The following PIK3C2B variants were observed in gnomAD, a reference collection of about 807,000 sequenced individuals.
PIK3C2B encodes phosphatidylinositol-4-phosphate 3-kinase catalytic subunit type 2 beta.
In PIK3C2B, 83 loss-of-function variants were observed where a neutral mutation model predicts 184.3. The observed-to-expected ratio is 0.45, with a 90% CI of 0.38 to 0.54. The LOEUF is 0.54. PIK3C2B is among the 20% of genes least tolerant of loss of function. The pLI is 0.00. For missense variants in PIK3C2B, 1,736 were observed against 2,113.5 expected (o/e 0.82, Z 3.50); for synonymous variants, 779 against 837.6 (o/e 0.93, Z 1.21).
At chr1:204,465,365 T>C in intron 2 of PIK3C2B, 46 bp from the exon 3 acceptor site, 1 of 1,218,042 alleles carries the variant, frequency 8.2e-7, no homozygotes, top group African/African-American at 1.5e-5. Context: ...CCTCGTGGTG[T>C]CCCCTCCCTA....
chr1:204,453,113 C>T (rs1020981374), intron 12 of PIK3C2B, among the ~76,000 whole-genome samples: 25 of 152,164 alleles, frequency 1.6e-4, no homozygotes, highest in African/African-American at 5.3e-4. Context: ...CCCCAGGACC[C>T]TCCTCAGTCT....
chr1:204,463,912 G>T, intron 5 of PIK3C2B, 100 bp downstream of exon 5: 2 of 1,215,386 alleles, frequency 1.6e-6, no homozygotes, highest in Non-Finnish European at 2.3e-6. Flanking sequence ...CTGTGGGATT[G>T]GGGCGGAGCT....
intron 28 of PIK3C2B, chr1:204,431,279 G>C: frequency 4.2e-6 from 1 of 238,166 alleles, no homozygotes; most frequent in South Asian, 6.4e-5. Context: ...TTAGCAGAAT[G>C]TCCTCAAGGT....
intron 5 of PIK3C2B, among the ~76,000 whole-genome samples, chr1:204,462,191 C>T (rs1232340615): frequency 6.6e-6 from 1 of 152,100 alleles, no homozygotes; most frequent in Non-Finnish European, 1.5e-5. Flanking sequence ...CCCTGTCCCA[C>T]CTCACTAAGA....
intron 11 of PIK3C2B, 27 bp from the exon 12 acceptor site, chr1:204,454,818 A>C (rs1654689429): frequency 3.8e-6 from 6 of 1,599,862 alleles, no homozygotes; most frequent in Admixed American, 1.7e-5. Context: ...GCAGGTCAGG[A>C]CACCCAGCTC....
chr1:204,456,944 T>A (rs541457594), intron 10 of PIK3C2B, 93 bp downstream of exon 10: 430 of 957,486 alleles, frequency 4.5e-4, no homozygotes, highest in Admixed American at 7.2e-4. Flanking sequence ...CTCCGACACA[T>A]AAATCAAGGG....
At chr1:204,430,934 G>A (rs753516542) in intron 28 of PIK3C2B, among the ~76,000 whole-genome samples, 9 of 152,288 alleles carry the variant, frequency 5.9e-5, no homozygotes, top group Admixed American at 2.0e-4. Context: ...GATTACAGGC[G>A]TGAACCACTG....
Position 204,434,557 on chromosome 1 carries a change from C to G in PIK3C2B, c.3568G>C (p.Val1190Leu). Residue 1190 changes from valine (V) to leucine (L), a missense_variant, in exon 24 of 33, where the codon GTC becomes CTC. Physicochemically the swap from Val to Leu is conservative, Grantham distance 32 (BLOSUM62 1). Coordinates refer to ENST00000684373, the MANE Select transcript of PIK3C2B (RefSeq NM_001377334.1). The part of the protein sequence containing the change: ...SCAGCCVATY[V>L]LGICDRHNDN... Reference sequence around the variant, plus strand: ...TTATGTCGGTCACAGATGCCCAAGACGTACGTGGCCACGCAGCAGCCAGCG... The same window carrying G: ...TTATGTCGGTCACAGATGCCCAAGAGGTACGTGGCCACGCAGCAGCCAGCG... 1.2e-6 allele frequency: 2 copies of G among 1,614,152 alleles called. No individual in the cohort carries two copies. Among genetic ancestry groups the G allele is most frequent in the South Asian group, 2.2e-5 (2 of 91,086 alleles).
At chr1:204,485,433 T>A (rs1355438398) in intron 1 of PIK3C2B, among the ~76,000 whole-genome samples, 1 of 146,542 alleles carries the variant, frequency 6.8e-6, no homozygotes, top group Non-Finnish European at 1.5e-5. Context: ...ACCAAAAAAA[T>A]TATTATTCCT....
Position 204,465,328 on chromosome 1 carries a change from G to C in PIK3C2B, c.934-9C>G. On this transcript the variant is annotated splice_polypyrimidine_tract_variant and intron_variant, in intron 2 of 32. Coordinates refer to ENST00000684373, the MANE Select transcript of PIK3C2B (RefSeq NM_001377334.1). The stretch of plus-strand genomic sequence containing the variant: ...TGGGGCCGGGAGCCCACCTTTAAGA[G>C]AAGAGCAGACGACTCAGTGCCTTTT... 6.3e-7 allele frequency: 1 copy of C among 1,588,598 alleles called. No individual in the cohort carries two copies. Among genetic ancestry groups the C allele is most frequent in the Non-Finnish European group, 8.6e-7 (1 of 1,156,632 alleles).
At chr1:204,471,959 A>G (rs1656313421) in intron 1 of PIK3C2B, among the ~76,000 whole-genome samples, 1 of 46,220 alleles carries the variant, frequency 2.2e-5, no homozygotes. Context: ...GTGCCAAAAT[A>G]TTGATTTTTT....
chr1:204,445,129 C>T (rs1653734607), intron 16 of PIK3C2B, among the ~76,000 whole-genome samples: 1 of 150,290 alleles, frequency 6.7e-6, no homozygotes, highest in East Asian at 2.0e-4. Context: ...GTTACACAGG[C>T]GTATGCATTT....
rs775362533 is a variant in PIK3C2B at position 204,428,144 on chromosome 1, G to T, written c.4475C>A (p.Ser1492Tyr). Reference sequence around the variant, plus strand: ...TCTCAGAGAAGATACTGTACCTGAGGACTTAGGAGCTGGGCTGGTGCCCAT... The same window carrying T: ...TCTCAGAGAAGATACTGTACCTGAGTACTTAGGAGCTGGGCTGGTGCCCAT... Reference protein sequence around the residue: ...KAMGTSPAPKSSDGTWARPVG... With the variant: ...KAMGTSPAPKYSDGTWARPVG... Residue 1492 changes from serine to tyrosine, a missense_variant, in exon 30 of 33, where the codon TCC becomes TAC. Ser to Tyr is a moderately radical substitution (Grantham distance 144). This residue lies in a region of PIK3C2B where 200 missense variants were observed against 199.1 expected (regional missense o/e 1.00). Coordinates refer to ENST00000684373, the MANE Select transcript of PIK3C2B (RefSeq NM_001377334.1). The T allele has an allele frequency of 1.9e-5, 30 of 1,599,792 alleles. 1 individual carries two copies. The South Asian group carries it at 2.9e-4, about 15-fold the overall frequency.
At chr1:204,479,316 G>A (rs997698682) in intron 1 of PIK3C2B, among the ~76,000 whole-genome samples, 5 of 120,526 alleles carry the variant, frequency 4.1e-5, no homozygotes, top group African/African-American at 1.5e-4. Flanking sequence ...CAGGTTCCAA[G>A]GGCATGGTAG....
rs1674564880 is a variant in PIK3C2B at position 204,422,917 on chromosome 1, T to G, written c.*1935A>C. 6.6e-6 allele frequency: 1 copy of G among 152,568 alleles called. No individual in the cohort carries two copies. The highest frequency in any genetic ancestry group is 6.5e-5 in the Admixed American group (1 of 15,282). 9.5% of individuals were successfully genotyped at this position (152,568 alleles called of 1,614,324 possible). ...AAATTTAAACTTCCATGCTGCCCTG[T>G]GGCTTCGGTCAATGGAGCTTCTTTC... is the stretch of plus-strand genomic sequence containing the variant. On this transcript the variant is annotated 3_prime_UTR_variant, in exon 33 of 33. Coordinates refer to ENST00000684373, the MANE Select transcript of PIK3C2B (RefSeq NM_001377334.1).
intron 1 of PIK3C2B, among the ~76,000 whole-genome samples, chr1:204,494,148 G>A (rs1658210954): frequency 6.6e-6 from 1 of 152,104 alleles, no homozygotes; most frequent in Non-Finnish European, 1.5e-5. Context: ...AGTGGGGTGA[G>A]GGGCAACCTG....
intron 32 of PIK3C2B, 44 bp from the exon 33 acceptor site, chr1:204,425,084 C>A: frequency 6.5e-7 from 1 of 1,537,302 alleles, no homozygotes. Context: ...AGAGAAGGAA[C>A]AAGAAGAATC....
chr1:204,441,699 G>A (rs555849282), intron 20 of PIK3C2B, 136 bp from the exon 21 acceptor site: 17 of 561,450 alleles, frequency 3.0e-5, no homozygotes, highest in African/African-American at 9.4e-5. Context: ...TGTTTCTTCC[G>A]GATTTCCCAG....
chr1:204,469,158 T>A lies in PIK3C2B; in HGVS notation c.645A>T (p.Gly215=), dbSNP rs754425484. 5 of 1,613,986 alleles carry A rather than the reference T, an allele frequency of 3.1e-6. No individual in the cohort carries two copies. In the African/African-American group the frequency reaches 6.7e-5, roughly 22 times the overall value. ...HRILEEEEVL[G]GGGQGRLLGS... Reference sequence around the variant, plus strand: ...CCAGTAGGCGCCCCTGACCCCCACCTCCCAGCACCTCTTCCTCTTCTAGGA... The same window carrying A: ...CCAGTAGGCGCCCCTGACCCCCACCACCCAGCACCTCTTCCTCTTCTAGGA... The change falls in exon 2 of 33, where the codon GGA becomes GGT. Residue 215 remains glycine, a synonymous_variant. Transcript: ENST00000684373.
Sources: gnomAD v4.1 joint callset for allele counts (sites outside exome capture counted in the v4.1 genomes callset) on GRCh38, gnomAD v4.1.1 for gene constraint, gnomAD v4.1.1 regional missense constraint, MANE v1.5 for transcripts, NCBI Gene and HGNC (gene_info 2026-07-23, HGNC 2026-07-21) for gene names.